The following FUCA1 variants were observed in gnomAD, a reference collection of about 807,000 sequenced individuals.
FUCA1 encodes alpha-L-fucosidase 1.
Under a neutral mutation model 56.8 loss-of-function variants are expected in FUCA1, and 52 were observed. The ratio of observed to expected loss-of-function variants is 0.92; its 90% CI spans 0.73 to 1.15. The LOEUF is 1.15. Ranked by LOEUF, FUCA1 falls within the 50% of genes most tolerant of loss-of-function variation. FUCA1 has a pLI of 0.00. For missense variants in FUCA1, 568 were observed against 592.6 expected, an observed-to-expected ratio of 0.96 and a Z score of 0.43; for synonymous variants, 230 against 226.6, an observed-to-expected ratio of 1.02 and a Z score of -0.14.
rs199820324 is a variant in FUCA1, at chr1:23,863,278, C to G, written c.525-7G>C. The G allele has an allele frequency of 6.2e-7, 1 of 1,611,590 alleles. No individual in the cohort carries two copies. Among genetic ancestry groups the G allele is most frequent in the Admixed American group, 1.7e-5 (1 of 59,984 alleles). On this transcript the variant is annotated splice_polypyrimidine_tract_variant and splice_region_variant and intron_variant, in intron 2 of 7. Coordinates refer to ENST00000374479, the MANE Select transcript of FUCA1 (RefSeq NM_000147.5). ...TAGTCCATAGCGGATGTTCCTTAAA[C>G]AGAAAAACAGAACAGCAACTGTCAT...
intron 3 of FUCA1, among the ~76,000 whole-genome samples, chr1:23,862,535 G>A (rs1043939146): frequency 1.4e-4 from 21 of 152,264 alleles, no homozygotes; most frequent in African/African-American, 4.3e-4. Context: ...AGGGTCTACC[G>A]TCCTCTATGA....
Position 23,867,925 on chromosome 1 carries a change from GC to G in FUCA1, c.361del (p.Ala121ProfsTer12), listed in dbSNP as rs1231147543. The G allele has an allele frequency of 2.6e-6, 4 of 1,555,708 alleles. No individual in the cohort carries two copies. Among genetic ancestry groups the G allele is most frequent in the African/African-American group, 1.4e-5 (1 of 73,508 alleles). The stretch of plus-strand genomic sequence containing the variant: ...GGCGCCCGCGGCCTGGAAGAGGTCG[GC>G]CCACTCCTCCGGGTGGAAGAAGCGC... ...TARFFHPEEW[A>X]DLFQAAGAKY... On this transcript the variant is annotated frameshift_variant, in exon 1 of 8. Coordinates refer to ENST00000374479, the MANE Select transcript of FUCA1 (RefSeq NM_000147.5). LOFTEE classifies it high-confidence loss of function. The surrounding 1 kb of genome is among the most constrained non-coding windows in gnomAD (Gnocchi z 4.9).
At chr1:23,865,053 GTCTCTA>G (rs1639595591) in intron 2 of FUCA1, among the ~76,000 whole-genome samples, 1 of 152,102 alleles carries the variant, frequency 6.6e-6, no homozygotes, top group Admixed American at 6.6e-5. Context: ...AGGCCATTTG[GTCTCTA>G]TCTCAGCTCT....
At chr1:23,864,999 G>T (rs1342709122) in intron 2 of FUCA1, among the ~76,000 whole-genome samples, 2 of 152,132 alleles carry the variant, frequency 1.3e-5, no homozygotes, top group Non-Finnish European at 2.9e-5. Context: ...CAACGCACCC[G>T]ACCAGTGAAC....
intron 3 of FUCA1, among the ~76,000 whole-genome samples, chr1:23,861,283 A>C (rs1262018727): frequency 3.0e-5 from 4 of 133,798 alleles, no homozygotes; most frequent in Middle Eastern, 5.4e-3. Flanking sequence ...AGATTGCGCC[A>C]CTGTACTCCA....
At chr1:23,852,507 G>C (rs556638159) in intron 5 of FUCA1, among the ~76,000 whole-genome samples, 3 of 144,628 alleles carry the variant, frequency 2.1e-5, no homozygotes, top group African/African-American at 5.2e-5. Context: ...CTCTTTCCAC[G>C]GTCTCCCACT....
rs1283086748 is a variant in FUCA1, at chr1:23,867,828, G to C, written c.389+70C>G. On this transcript the variant is annotated intron_variant, in intron 1 of 7. Transcript: ENST00000374479. This position sits in a 1 kb window ranked among gnomAD's most constrained non-coding sequence, Gnocchi z 4.9. ...GACCGGCAGCTGCGCGCCCCAGCTG[G>C]CCGCCCAGCCCCACCTCCTGTTTGC... 6.8e-7 allele frequency: 1 copy of C among 1,472,624 alleles called. No individual in the cohort carries two copies. Among genetic ancestry groups the C allele is most frequent in the Non-Finnish European group, 8.9e-7 (1 of 1,119,642 alleles). 91.2% of individuals were successfully genotyped at this position (1,472,624 alleles called of 1,614,324 possible). A position where few individuals can be genotyped will look rare whatever the true frequency, so the allele number is the denominator to read the frequency against.
chr1:23,865,591 A>G lies in FUCA1; in HGVS notation c.424T>C (p.Phe142Leu), dbSNP rs1307250692. The change falls in exon 2 of 8, where the codon TTC (phenylalanine) becomes CTC (leucine). Residue 142 changes from phenylalanine to leucine, a missense_variant. Phe to Leu is a conservative substitution (Grantham distance 22, BLOSUM62 0). Transcript: ENST00000374479. ...GACACAGGACTCGGCCAGTTTGTGA[A>G]GCCTTCGTGATGCTTTGTCGTCAAA... is the stretch of plus-strand genomic sequence containing the variant. ...VVLTTKHHEG[F>L]TNWPSPVSWN... 2 of 1,614,234 alleles carry G rather than the reference A, an allele frequency of 1.2e-6. No homozygotes were observed. Among genetic ancestry groups the G allele is most frequent in the Non-Finnish European group, 1.7e-6 (2 of 1,180,046 alleles).
chr1:23,868,264 G>A lies in FUCA1; in HGVS notation c.23C>T (p.Ser8Leu), dbSNP rs550501788. 5 of 1,555,688 alleles carry A rather than the reference G, an allele frequency of 3.2e-6. No individual in the cohort carries two copies. The highest frequency in any genetic ancestry group is 1.4e-5 in the African/African-American group (1 of 73,466). The change falls in exon 1 of 8, where the codon TCG (serine) becomes TTG (leucine). Residue 8 changes from serine (S) to leucine (L), a missense_variant. Coordinates refer to ENST00000374479, the MANE Select transcript of FUCA1 (RefSeq NM_000147.5). MRAPGMRSRPAGPALLLL... is the reference protein window; with the variant it reads MRAPGMRLRPAGPALLLL... ...CAACAGCGCGGGACCCGCCGGCCGC[G>A]ACCTCATCCCCGGAGCCCGCATCGC...
intron 4 of FUCA1, among the ~76,000 whole-genome samples, chr1:23,858,514 C>A (rs1231417008): frequency 5.9e-5 from 9 of 152,218 alleles, no homozygotes; most frequent in African/African-American, 2.2e-4. Flanking sequence ...CGCTACTTTG[C>A]AAGTACGCTA....
chr1:23,863,103 G>C (rs373224900), intron 3 of FUCA1, 31 bp downstream of exon 3: 133 of 1,612,554 alleles, frequency 8.2e-5, no homozygotes, highest in Non-Finnish European at 1.1e-4. Flanking sequence ...ATTGATAAAA[G>C]TCATAGGGCC....
chr1:23,845,663 A>G lies in FUCA1; in HGVS notation c.*52T>C. The G allele has an allele frequency of 1.9e-6, 3 of 1,611,898 alleles. No individual in the cohort carries two copies. Among genetic ancestry groups the G allele is most frequent in the Non-Finnish European group, 2.5e-6 (3 of 1,177,978 alleles). On this transcript the variant is annotated 3_prime_UTR_variant, in exon 8 of 8. Transcript: ENST00000374479. ...ATAGTGATGGTACTATAAGAGAAAA[A>G]CTGAAGCAGGAAAACAGTGAGCAGC...
intron 4 of FUCA1, among the ~76,000 whole-genome samples, chr1:23,858,806 G>A (rs556658916): frequency 2.2e-4 from 33 of 152,266 alleles, no homozygotes; most frequent in African/African-American, 4.3e-4. Flanking sequence ...GGAGTACAAT[G>A]GCGTGATCTA....
At chr1:23,849,888 A>G (rs1639222188) in intron 5 of FUCA1, among the ~76,000 whole-genome samples, 1 of 152,026 alleles carries the variant, frequency 6.6e-6, no homozygotes, top group Admixed American at 6.6e-5. Flanking sequence ...GCCAAGAGAT[A>G]CATTCTTTAA....
chr1:23,848,835 A>T lies in FUCA1; in HGVS notation c.974T>A (p.Leu325Gln). ...VTEESEIISE[L>Q]VQTVSLGGNY... is the part of the protein sequence containing the mutation. The stretch of plus-strand genomic sequence containing the variant: ...GCCTCCCAAACTTACTGTCTGAACC[A>T]GTTCCTGGAGAGAACAGAAACAATG... Residue 325 changes from leucine to glutamine, a missense_variant, in exon 6 of 8, where the codon CTG becomes CAG. Leu to Gln is a moderately radical substitution (Grantham distance 113, BLOSUM62 -2). Coordinates refer to ENST00000374479, the MANE Select transcript of FUCA1 (RefSeq NM_000147.5). The T allele has an allele frequency of 1.2e-6, 2 of 1,613,930 alleles. No homozygotes were observed. Among genetic ancestry groups the T allele is most frequent in the Admixed American group, 3.3e-5 (2 of 60,024 alleles).
At chr1:23,861,305 G>A (rs1472032976) in intron 3 of FUCA1, among the ~76,000 whole-genome samples, 5 of 134,542 alleles carry the variant, frequency 3.7e-5, no homozygotes, top group Middle Eastern at 5.1e-3. Flanking sequence ...CCTGGGCGAC[G>A]GAGCGAGACT....
chr1:23,863,615 G>T (rs1639557542), intron 2 of FUCA1, among the ~76,000 whole-genome samples: 1 of 152,204 alleles, frequency 6.6e-6, no homozygotes, highest in Admixed American at 6.5e-5. Context: ...ACTTTGGGAG[G>T]CTGAGGTGGG....
chr1:23,852,463 CCCCT>C (rs1639282781), intron 5 of FUCA1, among the ~76,000 whole-genome samples: 1 of 145,160 alleles, frequency 6.9e-6, no homozygotes, highest in African/African-American at 2.7e-5. Context: ...CTCCCTCTCC[CCCCT>C]CTCCCTCTCC....
At chr1:23,848,583 C>T in intron 6 of FUCA1, 66 bp downstream of exon 6, 1 of 1,487,746 alleles carries the variant, frequency 6.7e-7, no homozygotes, top group East Asian at 2.3e-5. Flanking sequence ...ATTGTGGACC[C>T]AAGGAGATAC....
Sources: allele counts gnomAD v4.1 joint callset (sites outside exome capture counted in the v4.1 genomes callset), GRCh38; gene constraint gnomAD v4.1.1; non-coding constraint Gnocchi (gnomAD v3.1); transcripts MANE v1.5; gene names NCBI Gene and HGNC (gene_info 2026-07-23, HGNC 2026-07-21).